Variants in CSMD1 observed in about 807,000 individuals in gnomAD.
CSMD1 encodes CUB and sushi domain-containing protein 1.
Under a neutral mutation model 417.5 loss-of-function variants are expected in CSMD1, and 213 were observed. That is an observed-to-expected ratio of 0.51 (90% CI 0.46 to 0.57). The LOEUF is 0.57. Among genes scored for constraint, CSMD1 ranks in the 20% least tolerant of loss-of-function variants. The pLI is 0.00. For missense variants in CSMD1, 6,923 were observed against 4,529.7 expected (o/e 1.53, Z -15.17); for synonymous variants, 2,862 against 1,736.8 (o/e 1.65, Z -16.11).
At chr8:3,022,127 C>A (rs1416989674) in intron 51 of CSMD1, among the ~76,000 whole-genome samples, 2 of 150,200 alleles carry the variant, frequency 1.3e-5, no homozygotes, top group Non-Finnish European at 3.0e-5. Flanking sequence ...ACCCGCAATC[C>A]CACAGCATCC....
At chr8:3,779,102 A>T (rs1203040843) in intron 5 of CSMD1, among the ~76,000 whole-genome samples, 2 of 151,578 alleles carry the variant, frequency 1.3e-5, no homozygotes, top group Admixed American at 1.3e-4. Flanking sequence ...AAGACTCCTA[A>T]TGTCTATTTT....
chr8:4,201,987 C>A (rs17069400), intron 3 of CSMD1, among the ~76,000 whole-genome samples: 1 of 151,752 alleles, frequency 6.6e-6, no homozygotes, highest in African/African-American at 2.4e-5. Flanking sequence ...ATCCTACTTG[C>A]ATTTTGATGA....
chr8:3,871,708 CA>C (rs1805493373), intron 5 of CSMD1, among the ~76,000 whole-genome samples: 1 of 152,074 alleles, frequency 6.6e-6, no homozygotes, highest in Non-Finnish European at 1.5e-5. Context: ...AAATGTGTCT[CA>C]AAAAATTGCT....
rs1554490216 is a variant in CSMD1 at position 3,262,230 on chromosome 8, T to TAC, written c.4153+21912_4153+21913dup. Among the ~76,000 whole-genome samples, 520 of 95,602 alleles carry TAC rather than the reference T, an allele frequency of 5.4e-3. 10 individuals are homozygous for TAC. The highest frequency in any genetic ancestry group is 6.4e-3 in the Non-Finnish European group (313 of 49,118). The allele number at this position is 95,602 out of a possible 152,430, so 62.7% of individuals were successfully genotyped here. A position where few individuals can be genotyped will look rare whatever the true frequency, so the allele number is the denominator to read the frequency against. ...ATATATATATATATATATATATATATACACACACATAGTTAATTTCAAAAT... is the reference window on the plus strand; with the variant it reads ...ATATATATATATATATATATATATATACACACACACATAGTTAATTTCAAAAT... On this transcript the variant is annotated intron_variant, in intron 26 of 69. Coordinates refer to ENST00000635120, the MANE Select transcript of CSMD1 (RefSeq NM_033225.6).
chr8:4,742,706 A>G (rs1351508604), intron 1 of CSMD1, among the ~76,000 whole-genome samples: 1 of 152,178 alleles, frequency 6.6e-6, no homozygotes, highest in Non-Finnish European at 1.5e-5. Context: ...GTTTTATTAA[A>G]GATGCAAATG....
intron 2 of CSMD1, among the ~76,000 whole-genome samples, chr8:4,457,149 A>G (rs990142817): frequency 6.6e-6 from 1 of 152,088 alleles, no homozygotes; most frequent in African/African-American, 2.4e-5. Context: ...ACCTTTTGAT[A>G]CCATGATTTG....
At chr8:3,948,945 G>A (rs936727296) in intron 5 of CSMD1, among the ~76,000 whole-genome samples, 1 of 151,978 alleles carries the variant, frequency 6.6e-6, no homozygotes, top group East Asian at 1.9e-4. Context: ...AATAACTGAG[G>A]ATGGGCTACT....
intron 2 of CSMD1, among the ~76,000 whole-genome samples, chr8:4,529,795 C>T (rs1012087991): frequency 6.6e-6 from 1 of 151,390 alleles, no homozygotes; most frequent in South Asian, 2.1e-4. Flanking sequence ...CGTAGAAAAT[C>T]TTTAGGTACA....
intron 68 of CSMD1, among the ~76,000 whole-genome samples, chr8:2,943,355 G>C (rs1169483871): frequency 6.6e-6 from 1 of 151,734 alleles, no homozygotes; most frequent in Non-Finnish European, 1.5e-5. Context: ...AGCCTCCCAA[G>C]TAGCTGGGAT....
At chr8:4,046,740 C>A (rs868000390) in intron 3 of CSMD1, among the ~76,000 whole-genome samples, 2 of 152,010 alleles carry the variant, frequency 1.3e-5, no homozygotes, top group Non-Finnish European at 2.9e-5. Context: ...AACTTTTTTT[C>A]TGTTTCCCCC....
chr8:3,527,568 A>G (rs139504848), intron 10 of CSMD1, among the ~76,000 whole-genome samples: 187 of 152,200 alleles, frequency 1.2e-3, no homozygotes, highest in African/African-American at 4.4e-3. Context: ...TACCTGTGAT[A>G]AAATCGCACA....
chr8:3,811,618 C>T (rs1030277485), intron 5 of CSMD1, among the ~76,000 whole-genome samples: 1 of 152,100 alleles, frequency 6.6e-6, no homozygotes, highest in Non-Finnish European at 1.5e-5. Context: ...CCTTCAGAAC[C>T]CAGGACCAGG....
At chr8:4,101,547 G>A (rs1424740511) in intron 3 of CSMD1, among the ~76,000 whole-genome samples, 1 of 152,116 alleles carries the variant, frequency 6.6e-6, no homozygotes, top group Non-Finnish European at 1.5e-5. Context: ...AAAAAATTAT[G>A]GATGTGTAGG....
intron 5 of CSMD1, among the ~76,000 whole-genome samples, chr8:3,967,643 C>A (rs1812773276): frequency 6.6e-6 from 1 of 152,126 alleles, no homozygotes; most frequent in Admixed American, 6.5e-5. Context: ...ATTTCCCCTC[C>A]ATTCCCTGCC....
chr8:3,850,066 G>A (rs1585088682), intron 5 of CSMD1, among the ~76,000 whole-genome samples: 1 of 152,150 alleles, frequency 6.6e-6, no homozygotes, highest in Admixed American at 6.5e-5. Context: ...AAAGTGTTGG[G>A]ATTACAGGCA....
chr8:4,153,868 G>C (rs996175671), intron 3 of CSMD1, among the ~76,000 whole-genome samples: 1 of 152,194 alleles, frequency 6.6e-6, no homozygotes, highest in East Asian at 1.9e-4. Context: ...TGGCTTTCCT[G>C]ACTCATGGCA....
rs116260937 is a variant in CSMD1 at position 3,610,741 on chromosome 8, A to T, written c.1097+5969T>A. 6.4e-3 allele frequency among the ~76,000 whole-genome samples: 975 copies of T among 152,184 alleles called. 8 individuals are homozygous for T. Among genetic ancestry groups the T allele is most frequent in the African/African-American group, 0.023 (943 of 41,520 alleles). On this transcript the variant is annotated intron_variant, in intron 8 of 69. Transcript: ENST00000635120. The stretch of plus-strand genomic sequence containing the variant: ...AACTCCAATTATAATTTTTATGCTC[A>T]GTAGAATTGCATACTTAATGCATCT...
At chr8:4,227,056 C>A (rs937421403) in intron 3 of CSMD1, among the ~76,000 whole-genome samples, 3 of 152,108 alleles carry the variant, frequency 2.0e-5, no homozygotes, top group Non-Finnish European at 4.4e-5. Flanking sequence ...TAAGACTGAA[C>A]GACTCTGAAG....
At chr8:4,806,143 C>A (rs1420498357) in intron 1 of CSMD1, among the ~76,000 whole-genome samples, 1 of 152,174 alleles carries the variant, frequency 6.6e-6, no homozygotes, top group Non-Finnish European at 1.5e-5. Context: ...TCAAAAGTCT[C>A]TAGGAAGTGA....
Sources: gnomAD v4.1 joint callset for allele counts (sites outside exome capture counted in the v4.1 genomes callset) on GRCh38, gnomAD v4.1.1 for gene constraint, MANE v1.5 for transcripts, NCBI Gene and HGNC (gene_info 2026-07-23, HGNC 2026-07-21) for gene names.